MARCHF1: variants seen among roughly 807,000 people sequenced by gnomAD.
The protein encoded by MARCHF1 is E3 ubiquitin-protein ligase MARCHF1.
MARCHF1 carries 40 observed loss-of-function variants against 54.2 expected under a neutral mutation model. The observed-to-expected ratio is 0.74, with a 90% CI of 0.57 to 0.96. MARCHF1 has a LOEUF of 0.96. Ranked by LOEUF, MARCHF1 falls within the 40% of genes least tolerant of loss-of-function variation. The pLI is 0.00. For synonymous variants in MARCHF1, 236 were observed against 236.3 expected (o/e 1.00, Z 0.01); for missense variants, 586 against 656.5 (o/e 0.89, Z 1.17).
chr4:163,842,423 TTA>T (rs1176205612), intron 4 of MARCHF1, among the ~76,000 whole-genome samples: 4 of 66,920 alleles, frequency 6.0e-5, no homozygotes, highest in Non-Finnish European at 1.5e-4. Context: ...TTAGTAATGG[TTA>T]GTTAAATATG....
chr4:164,331,551 A>C (rs1286194127), intron 1 of MARCHF1, among the ~76,000 whole-genome samples: 1 of 152,202 alleles, frequency 6.6e-6, no homozygotes, highest in African/African-American at 2.4e-5. Context: ...GGCTATTAAA[A>C]TGCTAGCAGA....
intron 1 of MARCHF1, among the ~76,000 whole-genome samples, chr4:164,313,182 CAAA>C (rs140895798): frequency 1.7e-5 from 2 of 119,354 alleles, no homozygotes; most frequent in African/African-American, 3.2e-5. Context: ...ACTAAAAATA[CAAA>C]AAAAAAAAAA....
intron 1 of MARCHF1, among the ~76,000 whole-genome samples, chr4:164,222,394 T>C (rs1732140585): frequency 6.6e-6 from 1 of 151,948 alleles, no homozygotes; most frequent in Non-Finnish European, 1.5e-5. Flanking sequence ...TTCATCTATA[T>C]GAAAGAAATA....
intron 1 of MARCHF1, among the ~76,000 whole-genome samples, chr4:164,179,944 C>T (rs374327624): frequency 2.0e-5 from 3 of 148,272 alleles, no homozygotes; most frequent in Non-Finnish European, 4.5e-5. Flanking sequence ...CAAGGATATA[C>T]TAGGAAAAAA....
intron 1 of MARCHF1, among the ~76,000 whole-genome samples, chr4:164,141,567 G>A (rs142251248): frequency 1.4e-4 from 21 of 152,118 alleles, no homozygotes; most frequent in South Asian, 8.3e-4. Flanking sequence ...GCTCTCTTAC[G>A]GAAAAAAGAA....
At chr4:164,045,256 A>G (rs543451581) in intron 2 of MARCHF1, among the ~76,000 whole-genome samples, 42 of 152,226 alleles carry the variant, frequency 2.8e-4, no homozygotes, top group Admixed American at 2.6e-3. Context: ...TCACACCTGT[A>G]ATACTTTCAC....
At chr4:163,737,149 G>A (rs1257474159) in intron 4 of MARCHF1, among the ~76,000 whole-genome samples, 4 of 131,908 alleles carry the variant, frequency 3.0e-5, no homozygotes, top group East Asian at 4.1e-4. Flanking sequence ...ATCAGCGCTC[G>A]CAGCTTTTTT....
intron 1 of MARCHF1, among the ~76,000 whole-genome samples, chr4:164,166,076 C>T (rs7676790): frequency 0.045 from 6,906 of 151,994 alleles, 218 homozygotes; most frequent in Middle Eastern, 0.14. Context: ...GACTGATAGA[C>T]TCAGCTTTTA....
intron 5 of MARCHF1, among the ~76,000 whole-genome samples, chr4:163,648,730 T>C (rs1482171533): frequency 6.7e-6 from 1 of 150,122 alleles, no homozygotes. Context: ...TAACAGCGTA[T>C]ATATAAAATT....
At chr4:163,547,790 G>C (rs1738958503) in intron 8 of MARCHF1, among the ~76,000 whole-genome samples, 1 of 152,192 alleles carries the variant, frequency 6.6e-6, no homozygotes, top group Non-Finnish European at 1.5e-5. Flanking sequence ...ACATTTTAGA[G>C]AAAGAAATAT....
intron 7 of MARCHF1, among the ~76,000 whole-genome samples, chr4:163,611,442 A>C (rs1741336420): frequency 6.6e-6 from 1 of 152,128 alleles, no homozygotes; most frequent in Non-Finnish European, 1.5e-5. Context: ...GCAAAACATA[A>C]CAAGTATTGC....
rs114515885 is a variant in MARCHF1 at position 164,049,750 on chromosome 4, A to G, written c.-247-61041T>C. Reference sequence around the variant, plus strand: ...TGTCACCATACAATTCTTGTCATATATACTGCACACATGTATACACACACA... The same window carrying G: ...TGTCACCATACAATTCTTGTCATATGTACTGCACACATGTATACACACACA... On this transcript the variant is annotated intron_variant, in intron 2 of 9. Transcript: ENST00000514618. Among the ~76,000 whole-genome samples the G allele has an allele frequency of 4.6e-3, 696 of 152,348 alleles. 5 individuals are homozygous for G. Among genetic ancestry groups the G allele is most frequent in the African/African-American group, 0.016 (661 of 41,574 alleles).
chr4:164,189,351 C>A, intron 1 of MARCHF1: 1 of 616,304 alleles, frequency 1.6e-6, no homozygotes, highest in Non-Finnish European at 3.0e-6. Context: ...TGACTCAGGC[C>A]AAATTTTAAG....
At chr4:164,287,943 T>C (rs771657231) in intron 1 of MARCHF1, among the ~76,000 whole-genome samples, 1 of 152,126 alleles carries the variant, frequency 6.6e-6, no homozygotes, top group Non-Finnish European at 1.5e-5. Flanking sequence ...AATCACAACA[T>C]ACTGAAATGA....
At chr4:164,138,498 A>G (rs1756452001) in intron 1 of MARCHF1, among the ~76,000 whole-genome samples, 1 of 152,186 alleles carries the variant, frequency 6.6e-6, no homozygotes, top group South Asian at 2.1e-4. Context: ...ACTTTGAGAT[A>G]TAGGTGTTCT....
At chr4:163,705,226 C>T (rs7669881) in intron 4 of MARCHF1, among the ~76,000 whole-genome samples, 63,872 of 151,244 alleles carry the variant, frequency 0.42, 14,289 homozygotes, top group Non-Finnish European at 0.51. Context: ...TCCAATATTA[C>T]GTATACTATT....
At chr4:164,264,566 C>T (rs1733555368) in intron 1 of MARCHF1, among the ~76,000 whole-genome samples, 1 of 151,912 alleles carries the variant, frequency 6.6e-6, no homozygotes, top group South Asian at 2.1e-4. Context: ...TCATTCATTC[C>T]TTTCAACTGA....
chr4:164,174,900 T>C (rs1272066168), intron 1 of MARCHF1, among the ~76,000 whole-genome samples: 3 of 152,130 alleles, frequency 2.0e-5, no homozygotes, highest in Non-Finnish European at 4.4e-5. Flanking sequence ...AGAGAGTTTT[T>C]TTTGTTTTGT....
At chr4:163,650,111 C>T (rs75403003) in intron 5 of MARCHF1, among the ~76,000 whole-genome samples, 5,390 of 151,896 alleles carry the variant, frequency 0.035, 152 homozygotes, top group Middle Eastern at 0.12. Context: ...AAGGCCATGG[C>T]ACACGGTGTT....
Sources: allele counts gnomAD v4.1 joint callset (sites outside exome capture counted in the v4.1 genomes callset), GRCh38; gene constraint gnomAD v4.1.1; transcripts MANE v1.5; gene names NCBI Gene and HGNC (gene_info 2026-07-23, HGNC 2026-07-21).